The following EPHX2 variants were observed in gnomAD, a reference collection of about 807,000 sequenced individuals.
The protein encoded by EPHX2 is bifunctional epoxide hydrolase 2.
EPHX2 carries 74 observed loss-of-function variants against 78.7 expected under a neutral mutation model. The observed-to-expected ratio is 0.94, with a 90% CI of 0.78 to 1.14. The LOEUF (loss-of-function observed/expected upper bound fraction) is 1.14, where lower values mean the gene tolerates loss of function less well. Among genes scored for constraint, EPHX2 ranks in the 50% most tolerant of loss-of-function variants. The probability of loss-of-function intolerance (pLI) is 0.00; values close to 1 mark genes in which losing one functional copy is unlikely to be tolerated. For synonymous variants in EPHX2, 251 were observed against 255.2 expected, an observed-to-expected ratio of 0.98 and a Z score of 0.16; for missense variants, 715 against 702.5, an observed-to-expected ratio of 1.02 and a Z score of -0.20.
intron 5 of EPHX2, among the ~76,000 whole-genome samples, 153 bp from the exon 6 acceptor site, chr8:27,511,683 A>C (rs1814253718): frequency 6.6e-6 from 1 of 152,212 alleles, no homozygotes. Context: ...CTGTGCTGGC[A>C]GGAGAGGGAG....
intron 5 of EPHX2, among the ~76,000 whole-genome samples, chr8:27,507,237 G>A (rs933917671): frequency 6.6e-6 from 1 of 152,178 alleles, no homozygotes; most frequent in Non-Finnish European, 1.5e-5. Context: ...TGCCAGGGCC[G>A]GGGAACTGGC....
intron 1 of EPHX2, among the ~76,000 whole-genome samples, chr8:27,498,111 A>G (rs551099509): frequency 2.6e-5 from 4 of 152,238 alleles, no homozygotes; most frequent in Non-Finnish European, 4.4e-5. Flanking sequence ...TAGGACATCT[A>G]TATACCTATC....
intron 15 of EPHX2, among the ~76,000 whole-genome samples, chr8:27,540,928 T>A (rs1365591390): frequency 6.6e-6 from 1 of 152,212 alleles, no homozygotes; most frequent in East Asian, 1.9e-4. Flanking sequence ...TCATGGCTCC[T>A]CAGAGAATCA....
chr8:27,509,285 C>T (rs553070818), intron 5 of EPHX2, among the ~76,000 whole-genome samples: 3 of 152,188 alleles, frequency 2.0e-5, no homozygotes, highest in African/African-American at 4.8e-5. Context: ...TATCCAAGGA[C>T]GCCTGAGTTG....
intron 12 of EPHX2, among the ~76,000 whole-genome samples, chr8:27,529,663 A>C (rs1814965403): frequency 6.6e-6 from 1 of 152,178 alleles, no homozygotes; most frequent in African/African-American, 2.4e-5. Context: ...GTGGTGACTC[A>C]CATCTATAAT....
intron 15 of EPHX2, 96 bp downstream of exon 15, chr8:27,540,752 A>C (rs1585224677): frequency 1.7e-6 from 2 of 1,179,778 alleles, no homozygotes; most frequent in Non-Finnish European, 2.5e-6. Flanking sequence ...GTTCTCCTCC[A>C]CCACAGCCCT....
At chr8:27,548,170 A>G (rs1335516285), downstream of EPHX2, among the ~76,000 whole-genome samples, 1 of 152,204 alleles carries the variant, frequency 6.6e-6, no homozygotes, top group East Asian at 1.9e-4. Flanking sequence ...AAGTGAGTCT[A>G]TTAGACTAGA....
At chr8:27,519,688 G>A (rs1049529973) in intron 9 of EPHX2, among the ~76,000 whole-genome samples, 4 of 152,202 alleles carry the variant, frequency 2.6e-5, no homozygotes, top group African/African-American at 7.2e-5. Context: ...GTAACAAAGC[G>A]CCACAGACTA....
At chr8:27,508,336 A>G (rs758981949) in intron 5 of EPHX2, among the ~76,000 whole-genome samples, 2 of 152,194 alleles carry the variant, frequency 1.3e-5, no homozygotes, top group South Asian at 2.1e-4. Context: ...TATTGGCACT[A>G]AGACTTTAAC....
intron 12 of EPHX2, among the ~76,000 whole-genome samples, chr8:27,525,918 C>T (rs1814830227): frequency 6.6e-6 from 1 of 152,132 alleles, no homozygotes; most frequent in Non-Finnish European, 1.5e-5. Context: ...TCAAAGATGC[C>T]CCCAGATGTG....
chr8:27,492,890 A>C (rs1586423134), intron 1 of EPHX2: 2 of 153,200 alleles, frequency 1.3e-5, no homozygotes, highest in Non-Finnish European at 2.9e-5. Flanking sequence ...CCTCCCTCAT[A>C]ACAGGACACC....
chr8:27,500,517 C>T (rs993853147), intron 1 of EPHX2, among the ~76,000 whole-genome samples: 1 of 152,100 alleles, frequency 6.6e-6, no homozygotes, highest in Non-Finnish European at 1.5e-5. Context: ...GAGGCAGAAT[C>T]GAAACCACAA....
chr8:27,503,999 T>A (rs971516101), intron 3 of EPHX2, among the ~76,000 whole-genome samples: 2 of 152,212 alleles, frequency 1.3e-5, no homozygotes, highest in African/African-American at 4.8e-5. Flanking sequence ...ATGACTGCCT[T>A]GTGAACATCA....
At position 27,542,813 on chromosome 8, in the gene EPHX2, TTG is replaced by T. The variant is rs1563365347; in HGVS notation, c.1450-932_1450-931del. Among the ~76,000 whole-genome samples, 5 of 152,070 alleles carry T rather than the reference TTG, an allele frequency of 3.3e-5. No homozygotes were observed. The South Asian group carries it at 8.3e-4, about 25-fold the overall frequency. ...TGCGCCACCACACCCAGCGAATTTT[TTG>T]TGTTTTAGTAGAGATGGGGCTTCAC... On this transcript the variant is annotated intron_variant, in intron 16 of 18. Transcript: ENST00000521400.
intron 12 of EPHX2, among the ~76,000 whole-genome samples, chr8:27,533,208 A>G (rs747888554): frequency 3.9e-5 from 6 of 152,222 alleles, no homozygotes; most frequent in African/African-American, 7.2e-5. Flanking sequence ...GCATTATCTC[A>G]TTTAATCCTT....
chr8:27,518,139 G>C, intron 9 of EPHX2, 67 bp downstream of exon 9: 1 of 1,378,142 alleles, frequency 7.3e-7, no homozygotes, highest in Non-Finnish European at 1.0e-6. Context: ...CCGAAGCTGG[G>C]GTATCCATTC....
At chr8:27,527,668 T>C (rs1814896451) in intron 12 of EPHX2, among the ~76,000 whole-genome samples, 1 of 152,208 alleles carries the variant, frequency 6.6e-6, no homozygotes, top group African/African-American at 2.4e-5. Context: ...ACTAGTTTCT[T>C]CCACTTAGCA....
chr8:27,516,128 C>T (rs1256144377), intron 7 of EPHX2, among the ~76,000 whole-genome samples, 192 bp from the exon 8 acceptor site: 3 of 152,182 alleles, frequency 2.0e-5, no homozygotes, highest in African/African-American at 4.8e-5. Flanking sequence ...GCATTTCTCC[C>T]GTGCCCCACC....
intron 1 of EPHX2, among the ~76,000 whole-genome samples, chr8:27,499,424 T>G (rs1327514646): frequency 6.6e-6 from 1 of 152,178 alleles, no homozygotes; most frequent in Non-Finnish European, 1.5e-5. Context: ...ATTAGGTATA[T>G]GTCTCCATAT....
Sources: allele counts gnomAD v4.1 joint callset (sites outside exome capture counted in the v4.1 genomes callset), GRCh38; gene constraint gnomAD v4.1.1; transcripts MANE v1.5; gene names NCBI Gene and HGNC (gene_info 2026-07-23, HGNC 2026-07-21).